Variants in TAFA5 observed in about 807,000 individuals in gnomAD.
The protein encoded by TAFA5 is chemokine-like protein TAFA-5.
In TAFA5, 6 loss-of-function variants were observed where a neutral mutation model predicts 15.3. The ratio of observed to expected loss-of-function variants is 0.39; its 90% CI spans 0.21 to 0.77. TAFA5 has a LOEUF of 0.77. Among genes scored for constraint, TAFA5 ranks in the 30% least tolerant of loss-of-function variants. The probability of loss-of-function intolerance (pLI) is 0.41; values close to 1 mark genes in which losing one functional copy is unlikely to be tolerated. For synonymous variants in TAFA5, 103 were observed against 80.7 expected, an observed-to-expected ratio of 1.28 and a Z score of -1.48; for missense variants, 161 against 193.1, an observed-to-expected ratio of 0.83 and a Z score of 0.98.
At chr22:48,583,048 C>G (rs1158278142) in intron 1 of TAFA5, among the ~76,000 whole-genome samples, 1 of 130,570 alleles carries the variant, frequency 7.7e-6, no homozygotes, top group Non-Finnish European at 1.6e-5. Context: ...CCACACACAC[C>G]GCACACAAAG....
rs192340270 is a variant in TAFA5 at position 48,584,139 on chromosome 22, C to A, written c.113-62458C>A. 6.6e-3 allele frequency among the ~76,000 whole-genome samples: 920 copies of A among 138,746 alleles called. 38 individuals carry two copies. Among genetic ancestry groups the A allele is most frequent in the Admixed American group, 0.057 (806 of 14,028 alleles). The allele number at this position is 138,746 out of a possible 152,430, so 91.0% of individuals were successfully genotyped here. ...ACACACACCAATCACATGCACACACCCCCCCACAAAACATCACATACATCA... is the reference window on the plus strand; with the variant it reads ...ACACACACCAATCACATGCACACACACCCCCACAAAACATCACATACATCA... On this transcript the variant is annotated intron_variant, in intron 1 of 3. Transcript: ENST00000402357.
chr22:48,716,189 A>G (rs1267706913), intron 3 of TAFA5, among the ~76,000 whole-genome samples: 1 of 152,194 alleles, frequency 6.6e-6, no homozygotes, highest in Non-Finnish European at 1.5e-5. Context: ...TGATGCCTCC[A>G]GCTTTGTTCT....
rs145592273 is a variant in TAFA5, at chr22:48,704,830, G to C, written c.263-2887G>C. Among the ~76,000 whole-genome samples the C allele has an allele frequency of 1.9e-3, 290 of 152,198 alleles. 2 individuals carry two copies. The highest frequency in any genetic ancestry group is 6.7e-3 in the African/African-American group (279 of 41,514). Reference sequence around the variant, plus strand: ...ATACTGAGGGGCTTAAACAACACACGTTTATTTTCTCACGGTTCTGGAGGC... The same window carrying C: ...ATACTGAGGGGCTTAAACAACACACCTTTATTTTCTCACGGTTCTGGAGGC... On this transcript the variant is annotated intron_variant, in intron 2 of 3. Coordinates refer to ENST00000402357, the MANE Select transcript of TAFA5 (RefSeq NM_001082967.3).
chr22:48,696,572 A>G (rs1335463463), intron 2 of TAFA5, among the ~76,000 whole-genome samples: 4 of 152,160 alleles, frequency 2.6e-5, no homozygotes, highest in African/African-American at 2.4e-5. Flanking sequence ...CTGGGCTCCC[A>G]TTGGAGGGCG....
chr22:48,589,354 G>A (rs747584581), intron 1 of TAFA5, among the ~76,000 whole-genome samples: 12 of 152,168 alleles, frequency 7.9e-5, no homozygotes, highest in Non-Finnish European at 1.6e-4. Context: ...TACACCTGTG[G>A]GGTCAGTTGG....
intron 2 of TAFA5, among the ~76,000 whole-genome samples, chr22:48,700,634 C>A (rs1928875834): frequency 6.6e-6 from 1 of 152,152 alleles, no homozygotes; most frequent in Non-Finnish European, 1.5e-5. Flanking sequence ...CGTGAGTGTG[C>A]ACGTGGATGT....
At chr22:48,744,420 G>A (rs549700708) in intron 3 of TAFA5, among the ~76,000 whole-genome samples, 2 of 152,324 alleles carry the variant, frequency 1.3e-5, no homozygotes, top group East Asian at 3.9e-4. Context: ...GGAGCGGTGT[G>A]GCGAGCAGGG....
chr22:48,679,073 CCT>C (rs1928082875), intron 2 of TAFA5, among the ~76,000 whole-genome samples: 2 of 29,232 alleles, frequency 6.8e-5, no homozygotes, highest in Admixed American at 2.8e-4. Flanking sequence ...CTCCCGTCTC[CCT>C]GTCCATCCCT....
At chr22:48,675,337 C>T (rs1317507186) in intron 2 of TAFA5, among the ~76,000 whole-genome samples, 4 of 152,344 alleles carry the variant, frequency 2.6e-5, no homozygotes, top group Admixed American at 1.3e-4. Flanking sequence ...GCGGGGCCCC[C>T]GTCCAAAACT....
Position 48,490,293 on chromosome 22 carries a change from G to T in TAFA5, c.112+589G>T, listed in dbSNP as rs1214422980. 6.6e-6 allele frequency among the ~76,000 whole-genome samples: 1 copy of T among 152,104 alleles called. No homozygotes were observed. Among genetic ancestry groups the T allele is most frequent in the African/African-American group, 2.4e-5 (1 of 41,442 alleles). On this transcript the variant is annotated intron_variant, in intron 1 of 3. Coordinates refer to ENST00000402357, the MANE Select transcript of TAFA5 (RefSeq NM_001082967.3). This position sits in a 1 kb window ranked among gnomAD's most constrained non-coding sequence, Gnocchi z 5.8. ...ATGGGATGCCCGGAGGGGGCTCGCC[G>T]CGGCCGCGGACGTTTCTCGGGTCGT...
In TAFA5 at chr22:48,550,612, G is replaced by C. The variant is rs573427757; in HGVS notation, c.112+60908G>C. On this transcript the variant is annotated intron_variant, in intron 1 of 3. Coordinates refer to ENST00000402357, the MANE Select transcript of TAFA5 (RefSeq NM_001082967.3). This position sits in a 1 kb window ranked among gnomAD's most constrained non-coding sequence, Gnocchi z 4.1. Reference sequence around the variant, plus strand: ...TTCCTAGCAGGTTCCATCGCCTTCCGCACTTGATGCTGCTGGATCCTCCCA... The same window carrying C: ...TTCCTAGCAGGTTCCATCGCCTTCCCCACTTGATGCTGCTGGATCCTCCCA... 1.3e-5 allele frequency among the ~76,000 whole-genome samples: 2 copies of C among 152,130 alleles called. No homozygotes were observed. Among genetic ancestry groups the C allele is most frequent in the Non-Finnish European group, 2.9e-5 (2 of 68,026 alleles).
intron 1 of TAFA5, among the ~76,000 whole-genome samples, chr22:48,596,591 C>T (rs536132807): frequency 6.6e-6 from 1 of 152,294 alleles, no homozygotes; most frequent in Non-Finnish European, 1.5e-5. Context: ...CCCGTGATAA[C>T]AGCTGGCATG....
intron 3 of TAFA5, among the ~76,000 whole-genome samples, chr22:48,746,258 G>A (rs569302210): frequency 2.9e-4 from 44 of 152,104 alleles, no homozygotes; most frequent in African/African-American, 9.9e-4. Flanking sequence ...CCTCCACCCC[G>A]TGCCGTTCAG....
At chr22:48,746,136 G>A (rs1254644976) in intron 3 of TAFA5, among the ~76,000 whole-genome samples, 2 of 151,890 alleles carry the variant, frequency 1.3e-5, no homozygotes, top group Admixed American at 6.5e-5. Flanking sequence ...TAGCTTGGTC[G>A]CCTCCGGCCC....
chr22:48,749,625 C>T (rs930636537), intron 3 of TAFA5, among the ~76,000 whole-genome samples: 4 of 152,148 alleles, frequency 2.6e-5, no homozygotes, highest in African/African-American at 9.7e-5. Flanking sequence ...GCACAGAGGG[C>T]GCCCCACTCT....
intron 2 of TAFA5, among the ~76,000 whole-genome samples, chr22:48,703,750 T>C (rs538751458): frequency 2.0e-4 from 30 of 152,362 alleles, no homozygotes; most frequent in African/African-American, 7.0e-4. Flanking sequence ...GGCCACCTCC[T>C]GTCCACCCTC....
chr22:48,605,908 C>T (rs1402711302), intron 1 of TAFA5, among the ~76,000 whole-genome samples: 1 of 152,162 alleles, frequency 6.6e-6, no homozygotes, highest in Non-Finnish European at 1.5e-5. Flanking sequence ...CCCAGAGTCC[C>T]TCATGGGTTC....
intron 1 of TAFA5, among the ~76,000 whole-genome samples, chr22:48,540,438 G>A (rs1273770791): frequency 6.6e-6 from 1 of 152,164 alleles, no homozygotes; most frequent in Non-Finnish European, 1.5e-5. Flanking sequence ...TGGGAACGAT[G>A]ACCGATTACC....
In TAFA5 at chr22:48,742,237, C is replaced by T. The variant is rs564383824; in HGVS notation, c.391-7602C>T. Among the ~76,000 whole-genome samples the T allele has an allele frequency of 3.4e-3, 510 of 152,204 alleles. No homozygotes were observed. Among genetic ancestry groups the T allele is most frequent in the Non-Finnish European group, 5.7e-3 (389 of 67,996 alleles). ...TCACCAGGCACAGCCCTGCCCCACC[C>T]CACAGGCCCCTCATCCTTCACCAGG... On this transcript the variant is annotated intron_variant, in intron 3 of 3. Coordinates refer to ENST00000402357, the MANE Select transcript of TAFA5 (RefSeq NM_001082967.3). The surrounding 1 kb of genome is among the most constrained non-coding windows in gnomAD (Gnocchi z 6.2).
Sources: allele counts gnomAD v4.1 joint callset (sites outside exome capture counted in the v4.1 genomes callset), GRCh38; gene constraint gnomAD v4.1.1; non-coding constraint Gnocchi (gnomAD v3.1); transcripts MANE v1.5; gene names NCBI Gene and HGNC (gene_info 2026-07-23, HGNC 2026-07-21).